Variants in GRIN2B observed in about 807,000 individuals in gnomAD.
The protein encoded by GRIN2B is glutamate receptor ionotropic, NMDA 2B.
A neutral mutation model predicts 114.5 loss-of-function variants in GRIN2B; 5 were observed. The observed-to-expected ratio is 0.04, with a 90% CI of 0.02 to 0.09. The LOEUF is 0.09. GRIN2B is among the 10% of genes least tolerant of loss of function. The pLI, the probability that GRIN2B is intolerant of heterozygous loss-of-function variation, is 1.00. For synonymous variants in GRIN2B, 787 were observed against 745.1 expected, an observed-to-expected ratio of 1.06 and a Z score of -0.92; for missense variants, 1,108 against 1,943.5, an observed-to-expected ratio of 0.57 and a Z score of 8.08.
At chr12:13,651,626 C>T (rs2284405) in intron 5 of GRIN2B, among the ~76,000 whole-genome samples, 9,768 of 152,102 alleles carry the variant, frequency 0.064, 410 homozygotes, top group East Asian at 0.16. Context: ...GCTTAGAATC[C>T]ATTGCTGATA....
intron 3 of GRIN2B, among the ~76,000 whole-genome samples, chr12:13,788,581 T>C (rs548575937): frequency 6.6e-6 from 1 of 152,310 alleles, no homozygotes; most frequent in East Asian, 1.9e-4. Context: ...TGGTTTCCTG[T>C]TACTTAGACA....
At chr12:13,794,902 G>A (rs548300703) in intron 3 of GRIN2B, among the ~76,000 whole-genome samples, 1 of 152,330 alleles carries the variant, frequency 6.6e-6, no homozygotes, top group Admixed American at 6.5e-5. Flanking sequence ...GCAGGTGTGT[G>A]CTGAAATTCA....
chr12:13,723,445 G>C (rs997126073), intron 4 of GRIN2B, among the ~76,000 whole-genome samples: 1 of 151,118 alleles, frequency 6.6e-6, no homozygotes, highest in Non-Finnish European at 1.5e-5. Flanking sequence ...CTGTCTCACT[G>C]TTCTAGTCCC....
intron 5 of GRIN2B, among the ~76,000 whole-genome samples, chr12:13,626,238 C>T (rs764462312): frequency 1.2e-4 from 19 of 152,214 alleles, no homozygotes; most frequent in Non-Finnish European, 2.4e-4. Context: ...AAACAGACCA[C>T]TCCCTCTAAA....
chr12:13,735,616 A>G (rs1002036196), intron 4 of GRIN2B, among the ~76,000 whole-genome samples: 2 of 152,292 alleles, frequency 1.3e-5, no homozygotes, highest in African/African-American at 2.4e-5. Context: ...CAGAATCTCA[A>G]TAGTATCAGA....
chr12:13,716,299 T>A (rs998392242), intron 4 of GRIN2B, among the ~76,000 whole-genome samples: 1 of 151,746 alleles, frequency 6.6e-6, no homozygotes, highest in Non-Finnish European at 1.5e-5. Context: ...CAGGAGAGTA[T>A]AGTGTAGGGA....
At chr12:13,624,966 T>C (rs1344504324) in intron 5 of GRIN2B, among the ~76,000 whole-genome samples, 1 of 152,186 alleles carries the variant, frequency 6.6e-6, no homozygotes, top group African/African-American at 2.4e-5. Context: ...CTGCCAGGAA[T>C]AGAAGTTGTT....
intron 10 of GRIN2B, among the ~76,000 whole-genome samples, chr12:13,583,257 A>G (rs1011548826): frequency 1.3e-5 from 2 of 152,254 alleles, no homozygotes; most frequent in African/African-American, 4.8e-5. Flanking sequence ...TGATAATTAT[A>G]TAATTCCAGC....
At chr12:13,927,062 A>G (rs1215418060) in intron 2 of GRIN2B, among the ~76,000 whole-genome samples, 2 of 152,226 alleles carry the variant, frequency 1.3e-5, no homozygotes, top group Admixed American at 1.3e-4. Flanking sequence ...ATTTGAGTGA[A>G]AGATAAAATA....
At chr12:13,786,971 T>C (rs1864233885) in intron 3 of GRIN2B, among the ~76,000 whole-genome samples, 1 of 151,952 alleles carries the variant, frequency 6.6e-6, no homozygotes, top group Admixed American at 6.6e-5. Flanking sequence ...AAAAAAAAAG[T>C]ATGTAGCACG....
At chr12:13,571,495 G>T (rs1250006815) in intron 11 of GRIN2B, among the ~76,000 whole-genome samples, 2 of 151,812 alleles carry the variant, frequency 1.3e-5, no homozygotes, top group African/African-American at 4.8e-5. Context: ...TACATACACG[G>T]CACAAATACC....
At chr12:13,652,326 T>A (rs1949821964) in intron 5 of GRIN2B, among the ~76,000 whole-genome samples, 1 of 151,950 alleles carries the variant, frequency 6.6e-6, no homozygotes, top group African/African-American at 2.4e-5. Flanking sequence ...TGCAATATGG[T>A]GTAATAAATG....
At chr12:13,913,876 G>A (rs564313452) in intron 2 of GRIN2B, among the ~76,000 whole-genome samples, 4 of 152,192 alleles carry the variant, frequency 2.6e-5, no homozygotes, top group South Asian at 4.1e-4. Flanking sequence ...TAAAATAGAC[G>A]TAACAGTAGT....
At chr12:13,686,299 A>G (rs938935305) in intron 4 of GRIN2B, among the ~76,000 whole-genome samples, 9 of 152,204 alleles carry the variant, frequency 5.9e-5, no homozygotes, top group Admixed American at 3.9e-4. Flanking sequence ...GATGAGGCCA[A>G]GAGTTTCTTC....
At chr12:13,776,517 C>T (rs1864006758) in intron 3 of GRIN2B, among the ~76,000 whole-genome samples, 1 of 152,092 alleles carries the variant, frequency 6.6e-6, no homozygotes, top group Admixed American at 6.5e-5. Context: ...TCTCTTTGCA[C>T]TTAAAGAGTC....
At position 13,711,941 on chromosome 12, in the gene GRIN2B, C is replaced by A. The variant is rs541834973; in HGVS notation, c.1011-36082G>T. Among the ~76,000 whole-genome samples, 52 of 151,850 alleles carry A rather than the reference C, an allele frequency of 3.4e-4. 1 individual carries two copies. The highest frequency in any genetic ancestry group is 1.2e-3 in the African/African-American group (50 of 41,318). ...GACACATGCACATGTATGTTTACTG[C>A]GGCACTATTCACAATAGCAAAGACT... On this transcript the variant is annotated intron_variant, in intron 4 of 13. Coordinates refer to ENST00000609686, the MANE Select transcript of GRIN2B (RefSeq NM_000834.5).
At chr12:13,852,170 C>A (rs1234285270) in intron 3 of GRIN2B, among the ~76,000 whole-genome samples, 1 of 152,236 alleles carries the variant, frequency 6.6e-6, no homozygotes, top group African/African-American at 2.4e-5. Flanking sequence ...CCCTGGCTGG[C>A]TGCACCATTG....
At chr12:13,868,675 T>C (rs1865862371) in intron 2 of GRIN2B, among the ~76,000 whole-genome samples, 1 of 152,238 alleles carries the variant, frequency 6.6e-6, no homozygotes. Context: ...ACTTTGATGT[T>C]TTATTTGCTC....
chr12:13,617,534 A>G (rs770634018), intron 5 of GRIN2B, among the ~76,000 whole-genome samples: 2 of 152,204 alleles, frequency 1.3e-5, no homozygotes, highest in Non-Finnish European at 2.9e-5. Context: ...ATTCCTATTT[A>G]TAAGGGAATC....
Sources: allele counts gnomAD v4.1 joint callset (sites outside exome capture counted in the v4.1 genomes callset), GRCh38; gene constraint gnomAD v4.1.1; transcripts MANE v1.5; gene names NCBI Gene and HGNC (gene_info 2026-07-23, HGNC 2026-07-21).